The following KDM5A variants were observed in gnomAD, a reference collection of about 807,000 sequenced individuals.
KDM5A encodes the protein lysine demethylase 5A.
Under a neutral mutation model 193.5 loss-of-function variants are expected in KDM5A, and 42 were observed. That is an observed-to-expected ratio of 0.22 (90% confidence interval 0.17 to 0.28). KDM5A has a LOEUF of 0.28. Ranked by LOEUF, KDM5A falls within the 10% of genes least tolerant of loss-of-function variation. KDM5A has a pLI of 1.00. For missense variants in KDM5A, 1,692 were observed against 2,055.1 expected, an observed-to-expected ratio of 0.82 and a Z score of 3.42; for synonymous variants, 796 against 718.1, an observed-to-expected ratio of 1.11 and a Z score of -1.73.
rs1252525414 is a variant in KDM5A at position 281,763 on chromosome 12, T to TCA, written c.*3691_*3692dup. On this transcript the variant is annotated 3_prime_UTR_variant, in exon 28 of 28. Coordinates refer to ENST00000399788, the MANE Select transcript of KDM5A (RefSeq NM_001042603.3). The stretch of plus-strand genomic sequence containing the variant: ...CCCATCTTTTGAAAGACAGGTCTTC[T>TCA]CAGTTTTTCTGTTCATCCTCCTACT... 8.6e-6 allele frequency: 2 copies of TCA among 233,884 alleles called. No homozygotes were observed. The highest frequency in any genetic ancestry group is 1.7e-5 in the Non-Finnish European group (2 of 118,374). The allele number at this position is 233,884 out of a possible 1,614,324, so 14.5% of individuals were successfully genotyped here.
intron 3 of KDM5A, among the ~76,000 whole-genome samples, chr12:370,987 T>C (rs1944420714): frequency 6.6e-6 from 1 of 152,264 alleles, no homozygotes; most frequent in Non-Finnish European, 1.5e-5. Context: ...GGTGCATATG[T>C]GCCACATTTT....
rs754363127 is a variant in KDM5A at position 389,112 on chromosome 12, G to T, written c.-21C>A. On this transcript the variant is annotated 5_prime_UTR_variant, in exon 1 of 28. Transcript: ENST00000399788. ...GCCATTGCAACGGCCGGGGGGGGGG[G>T]GGGGTCCCCGTGGGGAACCGGTGGA... 12 of 1,600,088 alleles carry T rather than the reference G, an allele frequency of 7.5e-6. No homozygotes were observed. The highest frequency in any genetic ancestry group is 6.8e-5 in the Admixed American group (4 of 58,822).
intron 3 of KDM5A, among the ~76,000 whole-genome samples, chr12:374,628 G>A (rs1944477271): frequency 6.6e-6 from 1 of 152,152 alleles, no homozygotes; most frequent in Non-Finnish European, 1.5e-5. Flanking sequence ...GATGTTAGCT[G>A]ATTATTTTGC....
In KDM5A at chr12:385,948, T is replaced by A; in HGVS notation, c.192A>T (p.Glu64Asp). The A allele has an allele frequency of 3.1e-6, 5 of 1,613,886 alleles. No individual in the cohort carries two copies. The highest frequency in any genetic ancestry group is 4.2e-6 in the Non-Finnish European group (5 of 1,179,834). Reference protein sequence around the residue: ...PKDWQPPFACEVKSFRFTPRV... With the variant: ...PKDWQPPFACDVKSFRFTPRV... ...TTGGAGTGAAACGAAAGCTTTTTAC[T>A]TCACAGGCAAATGGAGGCTGCCAGT... The change falls in exon 2 of 28, where the codon GAA becomes GAT. Residue 64 changes from glutamate to aspartate, a missense_variant. Transcript: ENST00000399788.
At chr12:324,421 T>C (rs73041832) in intron 14 of KDM5A, among the ~76,000 whole-genome samples, 179 of 152,286 alleles carry the variant, frequency 1.2e-3, no homozygotes, top group Middle Eastern at 3.4e-3. Flanking sequence ...CCCAATTACA[T>C]CCTTGAGCAA....
chr12:280,367 T>C lies in KDM5A; in HGVS notation c.*5089A>G, dbSNP rs1943142771. ...GGAGGGTCCAACACAATTTTTTTTT[T>C]TAATGGACTTGCCACCTTAAGAAAC... On this transcript the variant is annotated 3_prime_UTR_variant, in exon 28 of 28. Transcript: ENST00000399788. The C allele has an allele frequency of 4.3e-6, 1 of 232,992 alleles. No homozygotes were observed. The highest frequency in any genetic ancestry group is 1.8e-4 in the South Asian group (1 of 5,522). 14.4% of individuals were successfully genotyped at this position (232,992 alleles called of 1,614,324 possible). A position where few individuals can be genotyped will look rare whatever the true frequency, so the allele number is the denominator to read the frequency against.
chr12:307,129 C>G lies in KDM5A; in HGVS notation c.3931-40G>C. On this transcript the variant is annotated intron_variant, in intron 23 of 27. Transcript: ENST00000399788. This position sits in a 1 kb window ranked among gnomAD's most constrained non-coding sequence, Gnocchi z 4.3. ...ATTCCAAGATGAACAGCAAGACATGCTAAACAGACAGGGTAATTAATGTGT... is the reference window on the plus strand; with the variant it reads ...ATTCCAAGATGAACAGCAAGACATGGTAAACAGACAGGGTAATTAATGTGT... The G allele has an allele frequency of 6.2e-7, 1 of 1,612,492 alleles. No homozygotes were observed. The highest frequency in any genetic ancestry group is 2.2e-5 in the East Asian group (1 of 44,816).
intron 17 of KDM5A, 136 bp downstream of exon 17, chr12:322,281 G>A: frequency 1.4e-6 from 1 of 726,952 alleles, no homozygotes; most frequent in African/African-American, 1.8e-5. Flanking sequence ...TAAAACTGGA[G>A]CATTACTGGG....
intron 3 of KDM5A, among the ~76,000 whole-genome samples, chr12:374,022 A>G (rs1435652408): frequency 6.6e-6 from 1 of 152,212 alleles, no homozygotes; most frequent in Non-Finnish European, 1.5e-5. Flanking sequence ...ATTTTGGAAT[A>G]AGTGTGATGC....
chr12:303,294 A>C (rs997674278), intron 24 of KDM5A, among the ~76,000 whole-genome samples: 10 of 152,246 alleles, frequency 6.6e-5, no homozygotes, highest in Non-Finnish European at 1.0e-4. Flanking sequence ...TAGATGAAGA[A>C]AATGCAGCAC....
intron 10 of KDM5A, among the ~76,000 whole-genome samples, chr12:337,592 A>G (rs1191120945): frequency 2.0e-5 from 3 of 152,192 alleles, no homozygotes; most frequent in African/African-American, 7.2e-5. Context: ...AAAGGGAAAC[A>G]TAAGTTTTGA....
At chr12:358,758 G>A (rs1008121083) in intron 5 of KDM5A, among the ~76,000 whole-genome samples, 2 of 152,030 alleles carry the variant, frequency 1.3e-5, no homozygotes. Context: ...TGGATCACAA[G>A]GTCCGTAATT....
intron 14 of KDM5A, among the ~76,000 whole-genome samples, chr12:325,590 T>G (rs3753157): frequency 0.3 from 45,432 of 152,028 alleles, 7,014 homozygotes; most frequent in East Asian, 0.51. Flanking sequence ...GCAGAATTGC[T>G]TGAACCTGAG....
chr12:310,742 G>T, intron 21 of KDM5A, 143 bp downstream of exon 21: 2 of 960,170 alleles, frequency 2.1e-6, no homozygotes, highest in Non-Finnish European at 1.6e-6. Flanking sequence ...TCTGCCCAAG[G>T]TTCCAGATTT....
chr12:322,547 T>A lies in KDM5A; in HGVS notation c.2296A>T (p.Met766Leu), dbSNP rs775869764. The A allele has an allele frequency of 5.6e-5, 90 of 1,612,764 alleles. No homozygotes were observed. In the East Asian group the frequency reaches 1.9e-3, roughly 34 times the overall value. ...HKKDLIELRV[M>L]LEDAEDRKYP... ...TTCCTATCCTCAGCATCTTCCAGCA[T>A]TACTCGCAATTCAATCAAATCTGTA... The change falls in exon 17 of 28, where the codon ATG becomes TTG. Residue 766 changes from methionine (M) to leucine (L), a missense_variant. This residue lies in a region of KDM5A where 965 missense variants were observed against 1,061.0 expected (regional missense o/e 0.91). Coordinates refer to ENST00000399788, the MANE Select transcript of KDM5A (RefSeq NM_001042603.3).
chr12:299,844 G>T (rs1943420199), intron 24 of KDM5A, among the ~76,000 whole-genome samples: 1 of 151,682 alleles, frequency 6.6e-6, no homozygotes, highest in South Asian at 2.1e-4. Context: ...AGGGATGGAG[G>T]AAGATCTACC....
At chr12:347,980 T>C (rs148698001) in intron 10 of KDM5A, among the ~76,000 whole-genome samples, 4,439 of 152,160 alleles carry the variant, frequency 0.029, 83 homozygotes, top group Middle Eastern at 0.044. Context: ...ACAAGCAACC[T>C]ACAGAAGGGG....
At chr12:336,243 C>T (rs1943931513) in intron 10 of KDM5A, among the ~76,000 whole-genome samples, 1 of 151,036 alleles carries the variant, frequency 6.6e-6, no homozygotes, top group Admixed American at 6.6e-5. Context: ...CCTGTAGTTC[C>T]AGCTACTAGG....
At chr12:308,109 AAC>A in intron 22 of KDM5A, 104 bp from the exon 23 acceptor site, 5 of 1,328,840 alleles carry the variant, frequency 3.8e-6, no homozygotes, top group Non-Finnish European at 5.3e-6. Context: ...ATCAGTTATA[AAC>A]AGTTTCCTAA....
Sources: gnomAD v4.1 joint callset for allele counts (sites outside exome capture counted in the v4.1 genomes callset) on GRCh38, gnomAD v4.1.1 for gene constraint, gnomAD v4.1.1 regional missense constraint, Gnocchi (gnomAD v3.1) non-coding constraint, MANE v1.5 for transcripts, NCBI Gene and HGNC (gene_info 2026-07-23, HGNC 2026-07-21) for gene names.